The following HELLS variants were observed in gnomAD, a reference collection of about 807,000 sequenced individuals.
HELLS encodes the protein helicase, lymphoid specific, also known as lymphoid-specific helicase.
HELLS carries 32 observed loss-of-function variants against 120.0 expected under a neutral mutation model. That is an observed-to-expected ratio of 0.27 (90% CI 0.20 to 0.36). The LOEUF (loss-of-function observed/expected upper bound fraction) is 0.36, where lower values mean the gene tolerates loss of function less well. Ranked by LOEUF, HELLS falls within the 10% of genes least tolerant of loss-of-function variation. The probability of loss-of-function intolerance (pLI) is 1.00; values close to 1 mark genes in which losing one functional copy is unlikely to be tolerated. For synonymous variants in HELLS, 341 were observed against 323.4 expected (o/e 1.05, Z -0.58); for missense variants, 650 against 993.4 (o/e 0.65, Z 4.65).
downstream of HELLS, among the ~76,000 whole-genome samples, chr10:94,606,845 C>A (rs1846134989): frequency 6.6e-6 from 1 of 152,182 alleles, no homozygotes; most frequent in Admixed American, 6.5e-5. Flanking sequence ...GGGTTCTCAA[C>A]AGGTGGATTT....
Position 94,558,132 on chromosome 10 carries a change from C to A in HELLS, c.277-7C>A. The stretch of plus-strand genomic sequence containing the variant: ...CACTTGTGACATAAGAAAAAATTGT[C>A]TTACAGGAACAGAAGAAGAAAGAAA... On this transcript the variant is annotated splice_region_variant and splice_polypyrimidine_tract_variant and intron_variant, in intron 3 of 21. Transcript: ENST00000348459. 2 of 1,552,084 alleles carry A rather than the reference C, an allele frequency of 1.3e-6. No homozygotes were observed. Among genetic ancestry groups the A allele is most frequent in the African/African-American group, 1.4e-5 (1 of 70,952 alleles).
At chr10:94,586,185 A>G (rs892935614) in intron 12 of HELLS, among the ~76,000 whole-genome samples, 1 of 151,576 alleles carries the variant, frequency 6.6e-6, no homozygotes, top group Non-Finnish European at 1.5e-5. Flanking sequence ...CCGTGGTGCA[A>G]TCTCGGCTCA....
intron 4 of HELLS, among the ~76,000 whole-genome samples, chr10:94,561,652 G>T (rs939649698): frequency 3.3e-5 from 5 of 151,808 alleles, no homozygotes; most frequent in Admixed American, 6.6e-5. Context: ...TTTTTATAGA[G>T]GTGGGGATCT....
At chr10:94,599,499 G>A (rs1845922753) in intron 21 of HELLS, among the ~76,000 whole-genome samples, 1 of 152,170 alleles carries the variant, frequency 6.6e-6, no homozygotes, top group Admixed American at 6.5e-5. Context: ...GACTGCAGGT[G>A]TGATTACTAT....
intron 2 of HELLS, chr10:94,551,063 G>A (rs1023864037): frequency 2.0e-5 from 3 of 152,180 alleles, no homozygotes; most frequent in East Asian, 1.9e-4. Flanking sequence ...CAGTAGTTGC[G>A]TATTGTAACC....
chr10:94,550,415 A>G (rs1265057461), intron 2 of HELLS, among the ~76,000 whole-genome samples: 1 of 152,064 alleles, frequency 6.6e-6, no homozygotes, highest in Non-Finnish European at 1.5e-5. Flanking sequence ...AGTAGCTAGG[A>G]CTACAGGCGC....
At chr10:94,563,533 C>G (rs1336215721) in intron 6 of HELLS, among the ~76,000 whole-genome samples, 1 of 151,824 alleles carries the variant, frequency 6.6e-6, no homozygotes, top group East Asian at 1.9e-4. Flanking sequence ...GTGACTCAAG[C>G]TGGAGTGCAG....
chr10:94,565,098 A>AGGCTG (rs1342638370), intron 6 of HELLS, among the ~76,000 whole-genome samples: 1 of 152,186 alleles, frequency 6.6e-6, no homozygotes, highest in Non-Finnish European at 1.5e-5. Flanking sequence ...GCATTTTGGG[A>AGGCTG]GGCTGAGGCG....
chr10:94,578,826 C>T (rs573913585), intron 10 of HELLS, among the ~76,000 whole-genome samples: 10 of 152,298 alleles, frequency 6.6e-5, no homozygotes, highest in African/African-American at 2.4e-4. Flanking sequence ...ACAACCCAGA[C>T]AACCCAGATC....
intron 6 of HELLS, among the ~76,000 whole-genome samples, chr10:94,564,759 A>G (rs1425500860): frequency 1.3e-5 from 2 of 151,834 alleles, no homozygotes; most frequent in Non-Finnish European, 2.9e-5. Context: ...GATTACAGGT[A>G]CCTATTTGTA....
chr10:94,571,362 T>C (rs1844151167), intron 6 of HELLS, 26 bp from the exon 7 acceptor site: 1 of 1,427,470 alleles, frequency 7.0e-7, no homozygotes. Flanking sequence ...CATTATTAAT[T>C]TGTTTTTGTT....
rs765167028 is a variant in HELLS at position 94,571,408 on chromosome 10, A to G, written c.456A>G (p.Lys152=). 2.8e-5 allele frequency: 42 copies of G among 1,496,412 alleles called. No homozygotes were observed. Among genetic ancestry groups the G allele is most frequent in the African/African-American group, 6.9e-5 (5 of 72,498 alleles). 92.7% of individuals were successfully genotyped at this position (1,496,412 alleles called of 1,614,324 possible). ...MSKEEILSVA[K]KNKKENEDEN... ...ACTAGGAAATTTTGTCTGTGGCTAA[A>G]AAAAATAAAAAGGAGAATGAGGTAA... Residue 152 remains lysine (K), a synonymous_variant, in exon 7 of 22, where the codon AAA becomes AAG. Transcript: ENST00000348459.
In HELLS at chr10:94,597,109, T is replaced by G. The variant is rs144467267; in HGVS notation, c.2420T>G (p.Ile807Ser). 7 of 1,559,692 alleles carry G rather than the reference T, an allele frequency of 4.5e-6. No homozygotes were observed. In the African/African-American group the frequency reaches 8.1e-5, roughly 18 times the overall value. The stretch of plus-strand genomic sequence containing the variant: ...TTGTTGTTAGATCGAAGTGATCTTA[T>G]TGGTAAGTATTATGCTTTTTTTTAA... ...LELLLDRSDL[I>S]DQMNASGPIK... The change falls in exon 21 of 22, where the codon ATT becomes AGT. Residue 807 changes from isoleucine (I) to serine (S), a missense_variant and splice_region_variant. Ile to Ser is a moderately radical substitution (Grantham distance 142). Coordinates refer to ENST00000348459, the MANE Select transcript of HELLS (RefSeq NM_018063.5).
At chr10:94,560,003 T>A (rs2134012411) in intron 4 of HELLS, among the ~76,000 whole-genome samples, 1 of 152,330 alleles carries the variant, frequency 6.6e-6, no homozygotes, top group African/African-American at 2.4e-5. Flanking sequence ...TAAGAGCTTC[T>A]ACTTAGCTTC....
intron 3 of HELLS, among the ~76,000 whole-genome samples, chr10:94,554,684 A>G (rs1332866575): frequency 6.8e-6 from 1 of 146,062 alleles, no homozygotes; most frequent in South Asian, 2.2e-4. Flanking sequence ...CTAATGATCA[A>G]TGGCTAGCTG....
At chr10:94,605,079 C>G (rs911716153), downstream of HELLS, among the ~76,000 whole-genome samples, 18 of 129,036 alleles carry the variant, frequency 1.4e-4, no homozygotes, top group South Asian at 2.1e-3. Flanking sequence ...GTCTCCCCCC[C>G]CCCCCCTTTT....
intron 3 of HELLS, 33 bp downstream of exon 3, chr10:94,554,281 T>C (rs1482683120): frequency 7.0e-7 from 1 of 1,428,912 alleles, no homozygotes; most frequent in Non-Finnish European, 9.4e-7. Context: ...AAGTGAAAGC[T>C]TAAAAAAATT....
intron 19 of HELLS, among the ~76,000 whole-genome samples, chr10:94,596,129 G>A (rs1261333762): frequency 2.0e-5 from 3 of 151,938 alleles, no homozygotes; most frequent in East Asian, 1.9e-4. Context: ...CCCTATTTTC[G>A]ATTTTTTAGT....
At chr10:94,584,993 A>T (rs961966273) in intron 12 of HELLS, among the ~76,000 whole-genome samples, 1 of 152,110 alleles carries the variant, frequency 6.6e-6, no homozygotes, top group African/African-American at 2.4e-5. Flanking sequence ...ATGAATTCAG[A>T]TTAGGTGGAG....
Sources: gnomAD v4.1 joint callset for allele counts (sites outside exome capture counted in the v4.1 genomes callset) on GRCh38, gnomAD v4.1.1 for gene constraint, MANE v1.5 for transcripts, NCBI Gene and HGNC (gene_info 2026-07-23, HGNC 2026-07-21) for gene names.